The following FRYL variants were observed in gnomAD, a reference collection of about 807,000 sequenced individuals.
The protein encoded by FRYL is FRY like transcription coactivator, also known as protein furry homolog-like.
In FRYL, 150 loss-of-function variants were observed where a neutral mutation model predicts 351.2. The observed-to-expected ratio is 0.43, with a 90% CI of 0.37 to 0.49. The LOEUF (loss-of-function observed/expected upper bound fraction) is 0.49. FRYL is among the 20% of genes least tolerant of loss of function. The pLI is 0.00. For missense variants in FRYL, 3,036 were observed against 3,619.3 expected (o/e 0.84, Z 4.13); for synonymous variants, 1,153 against 1,257.1 (o/e 0.92, Z 1.75).
intron 39 of FRYL, 37 bp from the exon 40 acceptor site, chr4:48,548,830 A>C (rs1732032137): frequency 8.4e-7 from 1 of 1,190,874 alleles, no homozygotes; most frequent in Non-Finnish European, 1.2e-6. Flanking sequence ...GTTTTACTAG[A>C]TCTCAGTAAA....
intron 4 of FRYL, among the ~76,000 whole-genome samples, chr4:48,632,153 T>A (rs1753336688): frequency 8.4e-6 from 1 of 118,832 alleles, no homozygotes; most frequent in Non-Finnish European, 1.7e-5. Flanking sequence ...CTCAAATATA[T>A]AAATATATAT....
intron 1 of FRYL, among the ~76,000 whole-genome samples, chr4:48,775,918 G>A (rs1775966709): frequency 1.3e-5 from 2 of 151,798 alleles, no homozygotes; most frequent in Non-Finnish European, 2.9e-5. Context: ...TACTAGGCCT[G>A]GAGAAATTAT....
rs71191251 is a variant in FRYL at position 48,663,774 on chromosome 4, C to CAAAAAA, written c.-81+20893_-81+20898dup. Among the ~76,000 whole-genome samples, 480 of 68,858 alleles carry CAAAAAA rather than the reference C, an allele frequency of 7.0e-3. 9 individuals are homozygous for CAAAAAA. The highest frequency in any genetic ancestry group is 9.5e-3 in the African/African-American group (188 of 19,832). 45.2% of individuals were successfully genotyped at this position (68,858 alleles called of 152,430 possible). A position where few individuals can be genotyped will look rare whatever the true frequency, so the allele number is the denominator to read the frequency against. ...TGGGCGACAGAGCGAGACTCCGTCT[C>CAAAAAA]AAAAAAAAAAAAAAAAAAAAAAAGA... On this transcript the variant is annotated intron_variant, in intron 3 of 63. Transcript: ENST00000358350.
intron 42 of FRYL, among the ~76,000 whole-genome samples, 159 bp downstream of exon 42, chr4:48,545,908 T>G (rs2148960520): frequency 6.6e-6 from 1 of 152,356 alleles, no homozygotes; most frequent in Non-Finnish European, 1.5e-5. Context: ...CAAAAGAGTC[T>G]TTGATTGCAT....
In FRYL at chr4:48,620,741, A is replaced by T. The variant is rs1193767091; in HGVS notation, c.212T>A (p.Leu71His). Residue 71 changes from leucine to histidine, a missense_variant, in exon 6 of 64, where the codon CTC becomes CAC. Transcript: ENST00000358350. ...AAACAAGGTGCGAAGTAAGGAAGGG[A>T]GACAGTGCTCTGCTACTGAGCTCAT... Reference protein sequence around the residue: ...SSMSSVAEHCLPSLLRTLFDW... With the variant: ...SSMSSVAEHCHPSLLRTLFDW... 1 of 1,613,918 alleles carries T rather than the reference A, an allele frequency of 6.2e-7. No individual in the cohort carries two copies. Among genetic ancestry groups the T allele is most frequent in the Admixed American group, 1.7e-5 (1 of 60,012 alleles).
At chr4:48,536,642 G>C (rs1353286067) in intron 47 of FRYL, among the ~76,000 whole-genome samples, 1 of 152,108 alleles carries the variant, frequency 6.6e-6, no homozygotes, top group Admixed American at 6.5e-5. Flanking sequence ...ACTGGAAAAA[G>C]GCCATGCTAC....
At position 48,510,157 on chromosome 4, in the gene FRYL, G is replaced by A. The variant is rs1722166044; in HGVS notation, c.8296C>T (p.Leu2766=). The change falls in exon 59 of 64, where the codon CTG becomes TTG. Residue 2766 remains leucine (L), a splice_region_variant and synonymous_variant. Transcript: ENST00000358350. ...CPTVFVDAET[L]MSCGLLETLK... ...GTTTCCAGCAAACCACATGACATCA[G>A]CTGTCAAATCAGAAGTATTGATCCA... 1.9e-6 allele frequency: 3 copies of A among 1,609,068 alleles called. No individual in the cohort carries two copies. The highest frequency in any genetic ancestry group is 2.6e-6 in the Non-Finnish European group (3 of 1,175,494).
chr4:48,532,432 C>A (rs753191415), intron 49 of FRYL, among the ~76,000 whole-genome samples: 26 of 152,156 alleles, frequency 1.7e-4, no homozygotes, highest in Non-Finnish European at 3.1e-4. Flanking sequence ...CCAATGCAGG[C>A]AGACCACTTG....
intron 1 of FRYL, among the ~76,000 whole-genome samples, chr4:48,770,472 T>C (rs1370162124): frequency 6.6e-6 from 1 of 152,180 alleles, no homozygotes; most frequent in East Asian, 1.9e-4. Flanking sequence ...AGTTTCGCTC[T>C]TGTTGCCCAG....
At chr4:48,519,820 G>A (rs1390178328) in intron 55 of FRYL, among the ~76,000 whole-genome samples, 1 of 151,616 alleles carries the variant, frequency 6.6e-6, no homozygotes, top group Non-Finnish European at 1.5e-5. Flanking sequence ...TGCAACCTCC[G>A]CCTCCCGGGT....
rs1209749929 is a variant in FRYL at position 48,549,163 on chromosome 4, A to T, written c.4784+310T>A. Among the ~76,000 whole-genome samples the T allele has an allele frequency of 6.6e-5, 10 of 152,192 alleles. No homozygotes were observed. Among genetic ancestry groups the T allele is most frequent in the Non-Finnish European group, 1.2e-4 (8 of 68,032 alleles). On this transcript the variant is annotated intron_variant, in intron 39 of 63. Coordinates refer to ENST00000358350, the MANE Select transcript of FRYL (RefSeq NM_015030.2). This position sits in a 1 kb window ranked among gnomAD's most constrained non-coding sequence, Gnocchi z 4.2. ...GCTAAGTAGAATTCAATTTAACTCG[A>T]TGCAAAATAATAGTGCCTACCATAG...
At chr4:48,653,962 C>T (rs970192092) in intron 3 of FRYL, 15 of 1,175,202 alleles carry the variant, frequency 1.3e-5, no homozygotes, top group African/African-American at 4.8e-5. Context: ...CTTGCAGTGA[C>T]GCACAACTAT....
chr4:48,525,967 G>A (rs1236782754), intron 53 of FRYL, among the ~76,000 whole-genome samples: 1 of 151,820 alleles, frequency 6.6e-6, no homozygotes, highest in Non-Finnish European at 1.5e-5. Context: ...GAATGTGTAT[G>A]AGCTGTATAT....
At position 48,508,092 on chromosome 4, in the gene FRYL, C is replaced by T. The variant is rs140586364; in HGVS notation, c.8394+1967G>A. 4.5e-4 allele frequency among the ~76,000 whole-genome samples: 69 copies of T among 152,274 alleles called. 1 individual carries two copies. The East Asian group carries it at 0.012, about 26-fold the overall frequency. ...AGTCTTTGTAACTATTTAATTGTTA[C>T]AGTGCAAACATAGCCATGGACAATA... On this transcript the variant is annotated intron_variant, in intron 59 of 63. Coordinates refer to ENST00000358350, the MANE Select transcript of FRYL (RefSeq NM_015030.2).
intron 4 of FRYL, among the ~76,000 whole-genome samples, chr4:48,628,574 A>G (rs950517659): frequency 3.9e-5 from 6 of 151,910 alleles, no homozygotes; most frequent in Non-Finnish European, 2.9e-5. Context: ...CAAAATTACG[A>G]CTAGAGTGGG....
At chr4:48,573,922 G>GGT (rs375647623) in intron 25 of FRYL, among the ~76,000 whole-genome samples, 27 of 152,046 alleles carry the variant, frequency 1.8e-4, no homozygotes, top group African/African-American at 6.0e-4. Context: ...TCGAACATAG[G>GGT]GTGGGGTACC....
At chr4:48,569,445 TACAGGC>T (rs1327502699) in intron 27 of FRYL, among the ~76,000 whole-genome samples, 1 of 152,196 alleles carries the variant, frequency 6.6e-6, no homozygotes, top group Non-Finnish European at 1.5e-5. Context: ...TAGCTGAGAC[TACAGGC>T]ACGCATCACC....
At chr4:48,563,651 AG>A (rs1736038919) in intron 31 of FRYL, among the ~76,000 whole-genome samples, 2 of 151,846 alleles carry the variant, frequency 1.3e-5, no homozygotes. Flanking sequence ...TTGAGGTTAC[AG>A]TGAACTATGA....
At chr4:48,741,487 CAG>C (rs1772059853) in intron 1 of FRYL, among the ~76,000 whole-genome samples, 1 of 151,996 alleles carries the variant, frequency 6.6e-6, no homozygotes, top group Non-Finnish European at 1.5e-5. Flanking sequence ...TTGCAGTCAG[CAG>C]AGATTGCACC....
Sources: allele counts gnomAD v4.1 joint callset (sites outside exome capture counted in the v4.1 genomes callset), GRCh38; gene constraint gnomAD v4.1.1; non-coding constraint Gnocchi (gnomAD v3.1); transcripts MANE v1.5; gene names NCBI Gene and HGNC (gene_info 2026-07-23, HGNC 2026-07-21).